Variants in CNTN4 observed in about 807,000 individuals in gnomAD.
CNTN4 encodes contactin 4, also known as contactin-4.
A neutral mutation model predicts 122.5 loss-of-function variants in CNTN4; 77 were observed. The ratio of observed to expected loss-of-function variants is 0.63; its 90% CI spans 0.52 to 0.76. The LOEUF (loss-of-function observed/expected upper bound fraction) is 0.76. Among genes scored for constraint, CNTN4 ranks in the 30% least tolerant of loss-of-function variants. The pLI is 0.00. For synonymous variants in CNTN4, 512 were observed against 447.0 expected (o/e 1.15, Z -1.83); for missense variants, 1,256 against 1,259.1 (o/e 1.00, Z 0.04).
intron 7 of CNTN4, among the ~76,000 whole-genome samples, chr3:2,826,252 AG>A (rs1383392915): frequency 2.0e-5 from 3 of 152,152 alleles, no homozygotes; most frequent in Non-Finnish European, 2.9e-5. Flanking sequence ...TCTTGATGGC[AG>A]GGGATCCTCT....
intron 4 of CNTN4, among the ~76,000 whole-genome samples, chr3:2,577,057 A>G (rs1349885823): frequency 6.6e-6 from 1 of 152,218 alleles, no homozygotes; most frequent in Non-Finnish European, 1.5e-5. Context: ...ATTCTCAGGC[A>G]TATTTAACAT....
intron 3 of CNTN4, among the ~76,000 whole-genome samples, chr3:2,494,142 A>C (rs1446586168): frequency 6.6e-6 from 1 of 152,154 alleles, no homozygotes; most frequent in East Asian, 1.9e-4. Context: ...AACTCTGTAA[A>C]ATATTGGAAA....
chr3:2,310,760 A>G (rs527696725), intron 2 of CNTN4, among the ~76,000 whole-genome samples: 1 of 152,238 alleles, frequency 6.6e-6, no homozygotes, highest in Admixed American at 6.5e-5. Flanking sequence ...TTAACCCTCC[A>G]CTACCTAAAA....
chr3:3,026,024 C>T, intron 14 of CNTN4, 78 bp from the exon 15 acceptor site: 3 of 1,359,346 alleles, frequency 2.2e-6, no homozygotes, highest in Non-Finnish European at 3.1e-6. Flanking sequence ...TCATCCTGCT[C>T]TTGGAGTCTA....
chr3:2,791,062 G>C lies in CNTN4; in HGVS notation c.359-28424G>C, dbSNP rs181327631. 1.2e-4 allele frequency among the ~76,000 whole-genome samples: 19 copies of C among 152,270 alleles called. No homozygotes were observed. In the East Asian group the frequency reaches 3.3e-3, roughly 26 times the overall value. ...CTGAAGGATGAAGACAACAAAGGCA[G>C]ACCAAGATTTGAGTCGGCAGAATTT... On this transcript the variant is annotated intron_variant, in intron 6 of 24. Coordinates refer to ENST00000418658, the MANE Select transcript of CNTN4 (RefSeq NM_175607.3).
intron 3 of CNTN4, among the ~76,000 whole-genome samples, chr3:2,398,761 A>C (rs558576324): frequency 1.3e-5 from 2 of 152,296 alleles, no homozygotes; most frequent in South Asian, 4.1e-4. Context: ...TCCCTGAAAC[A>C]CTTGGAAATG....
intron 2 of CNTN4, among the ~76,000 whole-genome samples, chr3:2,176,397 G>C (rs1314756928): frequency 6.6e-6 from 1 of 152,152 alleles, no homozygotes. Flanking sequence ...ACATACCTAA[G>C]ATTAGCTTTT....
At position 2,485,476 on chromosome 3, in the gene CNTN4, A is replaced by G. The variant is rs139844026; in HGVS notation, c.-88-85940A>G. ...TAGCTCAAGGTTTGTAAATGCACCAATTAGCATTCTGTATCTAGCTGATCT... is the reference window on the plus strand; with the variant it reads ...TAGCTCAAGGTTTGTAAATGCACCAGTTAGCATTCTGTATCTAGCTGATCT... On this transcript the variant is annotated intron_variant, in intron 3 of 24. Coordinates refer to ENST00000418658, the MANE Select transcript of CNTN4 (RefSeq NM_175607.3). 3.2e-3 allele frequency among the ~76,000 whole-genome samples: 494 copies of G among 152,328 alleles called. 15 individuals are homozygous for G. The highest frequency in any genetic ancestry group is 0.031 in the Admixed American group (469 of 15,310).
intron 2 of CNTN4, among the ~76,000 whole-genome samples, chr3:2,266,725 A>G (rs1231019057): frequency 6.6e-6 from 1 of 152,086 alleles, no homozygotes; most frequent in Non-Finnish European, 1.5e-5. Flanking sequence ...TGCTATTCTC[A>G]GCATTTTGGA....
At chr3:2,130,349 A>G (rs895664867) in intron 2 of CNTN4, among the ~76,000 whole-genome samples, 1 of 152,194 alleles carries the variant, frequency 6.6e-6, no homozygotes, top group Non-Finnish European at 1.5e-5. Flanking sequence ...GGATTCTAAT[A>G]TCAACCTTTG....
chr3:2,246,211 G>A (rs1180729414), intron 2 of CNTN4, among the ~76,000 whole-genome samples: 3 of 151,876 alleles, frequency 2.0e-5, no homozygotes, highest in Non-Finnish European at 2.9e-5. Context: ...TTCTCATCCT[G>A]CAACTACTTT....
intron 3 of CNTN4, among the ~76,000 whole-genome samples, chr3:2,407,701 C>A (rs555005263): frequency 1.3e-5 from 2 of 152,208 alleles, no homozygotes; most frequent in Admixed American, 6.5e-5. Context: ...AAAATTGATT[C>A]CCAAATGCGT....
At chr3:2,403,196 A>C (rs922065595) in intron 3 of CNTN4, among the ~76,000 whole-genome samples, 1 of 152,048 alleles carries the variant, frequency 6.6e-6, no homozygotes, top group Admixed American at 6.6e-5. Context: ...GATGCCAGCC[A>C]TATTTGATTA....
chr3:2,226,262 C>T (rs900915250), intron 2 of CNTN4, among the ~76,000 whole-genome samples: 4 of 152,046 alleles, frequency 2.6e-5, no homozygotes, highest in Admixed American at 6.6e-5. Flanking sequence ...GGACTTGCCT[C>T]GTCTACATTT....
At chr3:2,388,072 G>C (rs1286974276) in intron 3 of CNTN4, among the ~76,000 whole-genome samples, 1 of 152,158 alleles carries the variant, frequency 6.6e-6, no homozygotes, top group South Asian at 2.1e-4. Context: ...AGTAGAGCTA[G>C]ATTAACAATA....
chr3:2,954,138 C>G (rs994643766), intron 13 of CNTN4, among the ~76,000 whole-genome samples: 2 of 152,082 alleles, frequency 1.3e-5, no homozygotes, highest in Admixed American at 6.6e-5. Context: ...TAAACCTAAC[C>G]TAAGGGAAAT....
intron 6 of CNTN4, among the ~76,000 whole-genome samples, chr3:2,782,501 G>GTA (rs1426425589): frequency 6.6e-6 from 1 of 151,052 alleles, no homozygotes; most frequent in African/African-American, 2.4e-5. Flanking sequence ...GTGTGTGTGT[G>GTA]TGTGTGTGTG....
At chr3:3,005,202 CA>C (rs1374993474) in intron 14 of CNTN4, among the ~76,000 whole-genome samples, 2 of 152,178 alleles carry the variant, frequency 1.3e-5, no homozygotes, top group South Asian at 4.1e-4. Context: ...TCTCCTTACC[CA>C]AAAATCACTT....
chr3:2,301,875 T>C (rs887440516), intron 2 of CNTN4, among the ~76,000 whole-genome samples: 2 of 152,350 alleles, frequency 1.3e-5, no homozygotes, highest in Admixed American at 6.5e-5. Flanking sequence ...TTTAAGTATT[T>C]CCACAGATTA....
Sources: allele counts gnomAD v4.1 joint callset (sites outside exome capture counted in the v4.1 genomes callset), GRCh38; gene constraint gnomAD v4.1.1; transcripts MANE v1.5; gene names NCBI Gene and HGNC (gene_info 2026-07-23, HGNC 2026-07-21).